STXBP5L: variants seen among roughly 807,000 people sequenced by gnomAD.
STXBP5L encodes the protein syntaxin binding protein 5L, also known as syntaxin-binding protein 5-like.
STXBP5L carries 65 observed loss-of-function variants against 144.5 expected under a neutral mutation model. That is an observed-to-expected ratio of 0.45 (90% CI 0.37 to 0.55). The LOEUF is 0.55. Ranked by LOEUF, STXBP5L falls within the 20% of genes least tolerant of loss-of-function variation. The probability of loss-of-function intolerance (pLI) is 0.00; values close to 1 mark genes in which losing one functional copy is unlikely to be tolerated. For missense variants in STXBP5L, 1,298 were observed against 1,405.5 expected (o/e 0.92, Z 1.22); for synonymous variants, 505 against 469.6 (o/e 1.08, Z -0.97).
At chr3:120,987,370 CTAA>C (rs2107927681) in intron 3 of STXBP5L, among the ~76,000 whole-genome samples, 1 of 151,996 alleles carries the variant, frequency 6.6e-6, no homozygotes, top group African/African-American at 2.4e-5. Context: ...TTCATGCTGG[CTAA>C]TGACATTGAA....
At chr3:121,267,095 A>G (rs1299873531) in intron 18 of STXBP5L, among the ~76,000 whole-genome samples, 2 of 152,216 alleles carry the variant, frequency 1.3e-5, no homozygotes. Context: ...GAGAGCCCGT[A>G]TAGTTAAGAT....
intron 3 of STXBP5L, among the ~76,000 whole-genome samples, chr3:120,985,403 G>T (rs1942198531): frequency 6.6e-6 from 1 of 151,988 alleles, no homozygotes; most frequent in Non-Finnish European, 1.5e-5. Flanking sequence ...TCCAGCACCT[G>T]AAATATGTAT....
At chr3:120,912,484 C>T (rs533581241) in intron 2 of STXBP5L, among the ~76,000 whole-genome samples, 16 of 151,800 alleles carry the variant, frequency 1.1e-4, no homozygotes, top group Admixed American at 7.2e-4. Context: ...TGTGTAATAT[C>T]GCCCATAGGA....
intron 17 of STXBP5L, 111 bp downstream of exon 17, chr3:121,257,444 C>G (rs957709074): frequency 1.0e-6 from 1 of 986,304 alleles, no homozygotes; most frequent in African/African-American, 1.6e-5. Flanking sequence ...GTCAGGTGAT[C>G]TACAATTCTT....
intron 3 of STXBP5L, among the ~76,000 whole-genome samples, chr3:120,958,169 A>G (rs569958567): frequency 9.2e-4 from 140 of 152,352 alleles, no homozygotes; most frequent in Non-Finnish European, 1.4e-3. Context: ...AGAAATGGAT[A>G]AATTCCTGGA....
At chr3:121,205,040 T>A (rs2048285218) in intron 9 of STXBP5L, among the ~76,000 whole-genome samples, 1 of 152,210 alleles carries the variant, frequency 6.6e-6, no homozygotes, top group African/African-American at 2.4e-5. Context: ...ATGTATTTGA[T>A]AGAATAATTT....
chr3:121,052,704 C>G (rs9855911), intron 5 of STXBP5L, among the ~76,000 whole-genome samples: 79,267 of 151,564 alleles, frequency 0.52, 21,272 homozygotes, highest in African/African-American at 0.62. Context: ...GATGCCCTCT[C>G]TCACCACTCC....
At chr3:120,919,099 TG>T (rs1709243711) in intron 2 of STXBP5L, among the ~76,000 whole-genome samples, 1 of 152,070 alleles carries the variant, frequency 6.6e-6, no homozygotes, top group Non-Finnish European at 1.5e-5. Context: ...AAGAGAAAAG[TG>T]TCATAAAAGA....
At chr3:121,407,714 T>C in intron 23 of STXBP5L, 111 bp downstream of exon 23, 16 of 1,383,410 alleles carry the variant, frequency 1.2e-5, no homozygotes, top group Non-Finnish European at 1.6e-5. Context: ...ACTGAGATTA[T>C]TGTTTCATTA....
intron 3 of STXBP5L, among the ~76,000 whole-genome samples, chr3:121,030,305 T>G (rs1340428969): frequency 2.6e-5 from 4 of 152,054 alleles, no homozygotes; most frequent in African/African-American, 9.7e-5. Context: ...TAGGAGTGGA[T>G]AAAGAAGATG....
chr3:121,014,833 G>T (rs1199980918), intron 3 of STXBP5L, among the ~76,000 whole-genome samples: 4 of 151,872 alleles, frequency 2.6e-5, no homozygotes, highest in East Asian at 3.9e-4. Context: ...AACTTAGCAA[G>T]ATTACAGAAA....
intron 20 of STXBP5L, among the ~76,000 whole-genome samples, chr3:121,373,487 G>T (rs547623776): frequency 6.6e-6 from 1 of 152,182 alleles, no homozygotes; most frequent in South Asian, 2.1e-4. Flanking sequence ...ACTACATCCC[G>T]CCCTGGTGCC....
At chr3:121,027,625 A>T (rs563504072) in intron 3 of STXBP5L, among the ~76,000 whole-genome samples, 1 of 151,680 alleles carries the variant, frequency 6.6e-6, no homozygotes, top group South Asian at 2.1e-4. Flanking sequence ...CCTGACACTA[A>T]CTCCCTGTGT....
chr3:120,948,023 C>T (rs1710968225), intron 2 of STXBP5L, among the ~76,000 whole-genome samples: 1 of 151,728 alleles, frequency 6.6e-6, no homozygotes, highest in African/African-American at 2.4e-5. Flanking sequence ...GAGGAACTAC[C>T]AATCTATTTT....
At chr3:121,315,580 A>T (rs1327189754) in intron 19 of STXBP5L, among the ~76,000 whole-genome samples, 1 of 152,068 alleles carries the variant, frequency 6.6e-6, no homozygotes, top group Non-Finnish European at 1.5e-5. Flanking sequence ...ACATGTATAC[A>T]TATGTAACTA....
At chr3:121,237,090 G>C (rs932874573) in intron 12 of STXBP5L, among the ~76,000 whole-genome samples, 1 of 152,222 alleles carries the variant, frequency 6.6e-6, no homozygotes, top group Non-Finnish European at 1.5e-5. Flanking sequence ...GCTTTCATAT[G>C]TTGGAGTTGA....
chr3:121,385,811 T>A lies in STXBP5L; in HGVS notation c.2587+4279T>A, dbSNP rs1216064764. ...CTAAGTCAAACTTATTTTCCAGCATTCAATTCCATTAAAGTCCATTTCTCC... is the reference window on the plus strand; with the variant it reads ...CTAAGTCAAACTTATTTTCCAGCATACAATTCCATTAAAGTCCATTTCTCC... On this transcript the variant is annotated intron_variant, in intron 22 of 26. Coordinates refer to ENST00000471454, the MANE Select transcript of STXBP5L (RefSeq NM_001308330.2). Among the ~76,000 whole-genome samples the A allele has an allele frequency of 2.0e-5, 3 of 152,140 alleles. No homozygotes were observed. The East Asian group carries it at 5.8e-4, about 29-fold the overall frequency.
At chr3:120,984,012 C>T (rs979383745) in intron 3 of STXBP5L, among the ~76,000 whole-genome samples, 3 of 152,184 alleles carry the variant, frequency 2.0e-5, no homozygotes, top group Non-Finnish European at 4.4e-5. Flanking sequence ...GAGTTTCACA[C>T]GTCAGTTGCT....
At chr3:121,304,029 A>T (rs1177495091) in intron 19 of STXBP5L, among the ~76,000 whole-genome samples, 4 of 151,362 alleles carry the variant, frequency 2.6e-5, no homozygotes, top group African/African-American at 7.2e-5. Flanking sequence ...AAAGTATATA[A>T]AAAAAAAATA....
Sources: allele counts gnomAD v4.1 joint callset (sites outside exome capture counted in the v4.1 genomes callset), GRCh38; gene constraint gnomAD v4.1.1; transcripts MANE v1.5; gene names NCBI Gene and HGNC (gene_info 2026-07-23, HGNC 2026-07-21).